TATDN2: variants seen among roughly 807,000 people sequenced by gnomAD.
TATDN2 encodes the protein TatD DNase domain containing 2.
In TATDN2, 44 loss-of-function variants were observed where a neutral mutation model predicts 60.3. That is an observed-to-expected ratio of 0.73 (90% CI 0.57 to 0.94). The LOEUF (loss-of-function observed/expected upper bound fraction) is 0.94, where lower values mean the gene tolerates loss of function less well. TATDN2 is among the 40% of genes least tolerant of loss of function. The pLI, the probability that TATDN2 is intolerant of heterozygous loss-of-function variation, is 0.00. For missense variants in TATDN2, 997 were observed against 948.0 expected, an observed-to-expected ratio of 1.05 and a Z score of -0.68; for synonymous variants, 399 against 355.8, an observed-to-expected ratio of 1.12 and a Z score of -1.37.
At chr3:10,266,360 A>G (rs1322309298) in intron 3 of TATDN2, among the ~76,000 whole-genome samples, 1 of 152,148 alleles carries the variant, frequency 6.6e-6, no homozygotes, top group Non-Finnish European at 1.5e-5. Context: ...GTTATACCCA[A>G]ACTTCTATTT....
In TATDN2 at chr3:10,276,435, A is replaced by C; in HGVS notation, c.1908A>C (p.Glu636Asp). The change falls in exon 5 of 8, where the codon GAA becomes GAC. Residue 636 changes from glutamate to aspartate, a missense_variant. Physicochemically the swap from Glu to Asp is conservative, Grantham distance 45. Transcript: ENST00000448281. ...PLVIHCREAD[E>D]DLLEIMKKFV... ...TGATCCACTGCCGAGAAGCTGATGA[A>C]GATCTGCTAGAAATCATGAAAAAGT... 1 of 1,614,086 alleles carries C rather than the reference A, an allele frequency of 6.2e-7. No homozygotes were observed. The highest frequency in any genetic ancestry group is 8.5e-7 in the Non-Finnish European group (1 of 1,179,988).
At position 10,278,242 on chromosome 3, in the gene TATDN2, G is replaced by C. The variant is rs762171916; in HGVS notation, c.1962-37G>C. ...GGGAGCTGGGGGCTGCTGCAGAGGG[G>C]ACTGTGAGCAGCCCTGATGTGGAGT... On this transcript the variant is annotated intron_variant, in intron 5 of 7. Coordinates refer to ENST00000448281, the MANE Select transcript of TATDN2 (RefSeq NM_014760.4). This position sits in a 1 kb window ranked among gnomAD's most constrained non-coding sequence, Gnocchi z 4.7. 6.3e-7 allele frequency: 1 copy of C among 1,596,304 alleles called. No individual in the cohort carries two copies. The highest frequency in any genetic ancestry group is 8.6e-7 in the Non-Finnish European group (1 of 1,167,654).
In TATDN2 at chr3:10,278,807, A is replaced by T. The variant is rs1698676696; in HGVS notation, c.2146-78A>T. ...AGCCCCAAAGAGGTCCTTGCTGGGG[A>T]AGGGACAGGGAGGGAGTTCTAGATT... On this transcript the variant is annotated intron_variant, in intron 6 of 7. Coordinates refer to ENST00000448281, the MANE Select transcript of TATDN2 (RefSeq NM_014760.4). The surrounding 1 kb of genome is among the most constrained non-coding windows in gnomAD (Gnocchi z 4.7). 2 of 1,605,698 alleles carry T rather than the reference A, an allele frequency of 1.2e-6. No individual in the cohort carries two copies. The highest frequency in any genetic ancestry group is 2.2e-5 in the East Asian group (1 of 44,824).
rs1464910005 is a variant in TATDN2, at chr3:10,278,504, G to T, written c.2145+42G>T. ...GCTGAGTGGAGGCACCGGAGGGAGA[G>T]GGTGGGGAGGTGGGTGGTCACCCTT... On this transcript the variant is annotated intron_variant, in intron 6 of 7. Transcript: ENST00000448281. This position sits in a 1 kb window ranked among gnomAD's most constrained non-coding sequence, Gnocchi z 4.7. 2.5e-6 allele frequency: 4 copies of T among 1,601,350 alleles called. No homozygotes were observed. Among genetic ancestry groups the T allele is most frequent in the South Asian group, 1.1e-5 (1 of 90,196 alleles).
chr3:10,250,495 C>G (rs1277280947), intron 2 of TATDN2, among the ~76,000 whole-genome samples: 2 of 151,858 alleles, frequency 1.3e-5, no homozygotes, highest in Non-Finnish European at 2.9e-5. Context: ...TATTTGGGAT[C>G]AGATGGGCTG....
rs1037224376 is a variant in TATDN2, at chr3:10,279,805, A to G, written c.*623A>G. On this transcript the variant is annotated 3_prime_UTR_variant, in exon 8 of 8. Transcript: ENST00000448281. The stretch of plus-strand genomic sequence containing the variant: ...CAGAAGGACTTCAGCTGCTGGTCTC[A>G]TTGGTTCCACTGCCATTGATATGGG... The G allele has an allele frequency of 1.3e-5, 2 of 153,144 alleles. No homozygotes were observed. Among genetic ancestry groups the G allele is most frequent in the African/African-American group, 4.8e-5 (2 of 41,474 alleles). 9.5% of individuals were successfully genotyped at this position (153,144 alleles called of 1,614,324 possible).
rs781503431 is a variant in TATDN2 at position 10,260,493 on chromosome 3, CATGGAG to C, written c.772_777del (p.Met258_Glu259del). Reference sequence around the variant, plus strand: ...AGAAAGACGCAACCCCAGAGGTCAGCATGGAGGAGGATAAGACAGTGCCAGAGAGGA... The same window carrying C: ...AGAAAGACGCAACCCCAGAGGTCAGCGAGGATAAGACAGTGCCAGAGAGGA... On this transcript the variant is annotated inframe_deletion, in exon 3 of 8. Transcript: ENST00000448281. 1 of 1,613,878 alleles carries C rather than the reference CATGGAG, an allele frequency of 6.2e-7. No homozygotes were observed. Among genetic ancestry groups the C allele is most frequent in the Non-Finnish European group, 8.5e-7 (1 of 1,179,920 alleles).
At chr3:10,254,823 T>C (rs1342869464) in intron 2 of TATDN2, among the ~76,000 whole-genome samples, 2 of 152,148 alleles carry the variant, frequency 1.3e-5, no homozygotes, top group Non-Finnish European at 2.9e-5. Flanking sequence ...CTCTCCCCTT[T>C]ATGAAGTCAG....
Position 10,278,840 on chromosome 3 carries a change from T to A in TATDN2, c.2146-45T>A. The A allele has an allele frequency of 6.2e-7, 1 of 1,613,714 alleles. No individual in the cohort carries two copies. Among genetic ancestry groups the A allele is most frequent in the Non-Finnish European group, 8.5e-7 (1 of 1,179,920 alleles). The stretch of plus-strand genomic sequence containing the variant: ...GGGAGGGAGTTCTAGATTATGACTG[T>A]GCACACATGGCACAATGATGTTATG... On this transcript the variant is annotated intron_variant, in intron 6 of 7. Transcript: ENST00000448281. This position sits in a 1 kb window ranked among gnomAD's most constrained non-coding sequence, Gnocchi z 4.7.
intron 3 of TATDN2, among the ~76,000 whole-genome samples, chr3:10,264,626 C>T (rs1286057920): frequency 6.6e-6 from 1 of 150,856 alleles, no homozygotes; most frequent in Non-Finnish European, 1.5e-5. Flanking sequence ...ATTTTCTTTT[C>T]TTCCCAGTGA....
chr3:10,251,229 A>G (rs1698229267), intron 2 of TATDN2, among the ~76,000 whole-genome samples: 1 of 152,130 alleles, frequency 6.6e-6, no homozygotes. Context: ...GAGTGGTCGC[A>G]TGACTGCCCA....
At chr3:10,263,838 G>T (rs948013139) in intron 3 of TATDN2, among the ~76,000 whole-genome samples, 3 of 152,186 alleles carry the variant, frequency 2.0e-5, no homozygotes, top group Non-Finnish European at 4.4e-5. Context: ...TGAGCGTAAA[G>T]ACTTTGAGCT....
chr3:10,274,268 A>G (rs1698604557), intron 4 of TATDN2, among the ~76,000 whole-genome samples: 1 of 152,222 alleles, frequency 6.6e-6, no homozygotes, highest in African/African-American at 2.4e-5. Flanking sequence ...ATGAAACATT[A>G]TAAATGTAAT....
rs2125179266 is a variant in TATDN2, at chr3:10,270,678, A to G, written c.1496A>G (p.His499Arg). 6.2e-7 allele frequency: 1 copy of G among 1,614,204 alleles called. No individual in the cohort carries two copies. Among genetic ancestry groups the G allele is most frequent in the South Asian group, 1.1e-5 (1 of 91,084 alleles). Reference sequence around the variant, plus strand: ...CTAGAGGAGGGCTTCATTGACACTCATTGTCACCTGGACATGCTCTATTCC... The same window carrying G: ...CTAGAGGAGGGCTTCATTGACACTCGTTGTCACCTGGACATGCTCTATTCC... The part of the protein sequence containing the change: ...PSLEEGFIDT[H>R]CHLDMLYSKL... Residue 499 changes from histidine (H) to arginine (R), a missense_variant, in exon 4 of 8, where the codon CAT becomes CGT. His to Arg is a conservative substitution (Grantham distance 29). Transcript: ENST00000448281.
chr3:10,280,460 T>G lies in TATDN2; in HGVS notation c.*1278T>G, dbSNP rs1698717445. The G allele has an allele frequency of 1.3e-5, 2 of 153,786 alleles. No individual in the cohort carries two copies. Among genetic ancestry groups the G allele is most frequent in the Admixed American group, 1.3e-4 (2 of 15,288 alleles). The allele number at this position is 153,786 out of a possible 1,614,324, so 9.5% of individuals were successfully genotyped here. A position where few individuals can be genotyped will look rare whatever the true frequency, so the allele number is the denominator to read the frequency against. ...GGTTAAGTGAGAGGAGACTGTACTT[T>G]GTTTCAAAGGATCCTTCACCCTGAT... On this transcript the variant is annotated 3_prime_UTR_variant, in exon 8 of 8. Coordinates refer to ENST00000448281, the MANE Select transcript of TATDN2 (RefSeq NM_014760.4).
In TATDN2 at chr3:10,270,278, G is replaced by A. The variant is rs778525733; in HGVS notation, c.1096G>A (p.Asp366Asn). The A allele has an allele frequency of 9.9e-6, 16 of 1,614,018 alleles. No homozygotes were observed. The highest frequency in any genetic ancestry group is 7.7e-5 in the South Asian group (7 of 91,082). ...TCCGGAGCCTTCTTCCTTCACCACC[G>A]ACTATGTCATGTACCCTCCTCATTT... is the stretch of plus-strand genomic sequence containing the variant. ...AVPEPSSFTT[D>N]YVMYPPHLYS... Residue 366 changes from aspartate (D) to asparagine (N), a missense_variant, in exon 4 of 8, where the codon GAC becomes AAC. Asp to Asn is a conservative substitution (Grantham distance 23). Transcript: ENST00000448281.
At chr3:10,259,911 C>T (rs77634477) in intron 2 of TATDN2, among the ~76,000 whole-genome samples, 4 of 152,166 alleles carry the variant, frequency 2.6e-5, no homozygotes, top group African/African-American at 9.7e-5. Context: ...CGTCCCCTTG[C>T]AGTGAAAGGA....
rs536426340 is a variant in TATDN2 at position 10,274,170 on chromosome 3, C to G, written c.1834-2191C>G. Among the ~76,000 whole-genome samples the G allele has an allele frequency of 4.6e-5, 7 of 152,248 alleles. No individual in the cohort carries two copies. In the East Asian group the frequency reaches 1.2e-3, roughly 25 times the overall value. On this transcript the variant is annotated intron_variant, in intron 4 of 7. Transcript: ENST00000448281. ...GCTGGGTTCCTGGTGAGGACAAATG[C>G]TGCAAATAGCTCCTGTCCAACCACA... is the stretch of plus-strand genomic sequence containing the variant.
intron 3 of TATDN2, among the ~76,000 whole-genome samples, chr3:10,267,242 A>G (rs185321121): frequency 1.2e-3 from 176 of 151,206 alleles, no homozygotes; most frequent in East Asian, 5.6e-3. Context: ...GAATATCGGC[A>G]GTCTCCTCCT....
Sources: gnomAD v4.1 joint callset for allele counts (sites outside exome capture counted in the v4.1 genomes callset) on GRCh38, gnomAD v4.1.1 for gene constraint, Gnocchi (gnomAD v3.1) non-coding constraint, MANE v1.5 for transcripts, NCBI Gene and HGNC (gene_info 2026-07-23, HGNC 2026-07-21) for gene names.